Variants in SLC25A21 observed in about 807,000 individuals in gnomAD.
SLC25A21 encodes mitochondrial 2-oxodicarboxylate carrier.
A neutral mutation model predicts 43.8 loss-of-function variants in SLC25A21; 47 were observed. That is an observed-to-expected ratio of 1.07 (90% CI 0.85 to 1.37). The LOEUF (loss-of-function observed/expected upper bound fraction) is 1.37. Ranked by LOEUF, SLC25A21 falls within the 40% of genes most tolerant of loss-of-function variation. The pLI is 0.00. For synonymous variants in SLC25A21, 131 were observed against 121.3 expected, an observed-to-expected ratio of 1.08 and a Z score of -0.52; for missense variants, 352 against 350.2, an observed-to-expected ratio of 1.00 and a Z score of -0.04.
chr14:36,805,444 A>G (rs1888004136), intron 3 of SLC25A21, among the ~76,000 whole-genome samples: 1 of 152,152 alleles, frequency 6.6e-6, no homozygotes, highest in Non-Finnish European at 1.5e-5. Context: ...TGGGCCATTG[A>G]AGCCCTGGGA....
At chr14:36,698,430 T>C (rs898724703) in intron 7 of SLC25A21, among the ~76,000 whole-genome samples, 2 of 152,220 alleles carry the variant, frequency 1.3e-5, no homozygotes, top group African/African-American at 2.4e-5. Context: ...TGTGGTGTTC[T>C]CTGTATTTCC....
intron 3 of SLC25A21, among the ~76,000 whole-genome samples, chr14:36,773,388 A>G (rs757453382): frequency 1.3e-5 from 2 of 152,244 alleles, no homozygotes; most frequent in Non-Finnish European, 2.9e-5. Context: ...CTGATAAGCC[A>G]CAACTAGAAT....
At chr14:36,789,436 T>C (rs1887365344) in intron 3 of SLC25A21, among the ~76,000 whole-genome samples, 1 of 151,902 alleles carries the variant, frequency 6.6e-6, no homozygotes, top group Non-Finnish European at 1.5e-5. Context: ...TTGATAAACA[T>C]ATATATTTAA....
At chr14:37,109,421 C>T (rs1287332705) in intron 1 of SLC25A21, among the ~76,000 whole-genome samples, 1 of 151,816 alleles carries the variant, frequency 6.6e-6, no homozygotes, top group African/African-American at 2.4e-5. Flanking sequence ...GAAAGAAAAC[C>T]TTTTTGGTAT....
At chr14:36,766,881 C>A (rs547842426) in intron 3 of SLC25A21, among the ~76,000 whole-genome samples, 2 of 152,246 alleles carry the variant, frequency 1.3e-5, no homozygotes, top group Admixed American at 6.5e-5. Flanking sequence ...TGAGATAATG[C>A]GCATAATGCA....
intron 3 of SLC25A21, among the ~76,000 whole-genome samples, chr14:36,794,173 A>G (rs1887591135): frequency 6.6e-6 from 1 of 152,156 alleles, no homozygotes; most frequent in Admixed American, 6.5e-5. Flanking sequence ...CAATGAACAC[A>G]TATGATCAGA....
intron 1 of SLC25A21, among the ~76,000 whole-genome samples, chr14:36,881,657 G>A (rs142399186): frequency 7.2e-5 from 11 of 152,144 alleles, no homozygotes; most frequent in South Asian, 2.1e-4. Context: ...CTACATAGAC[G>A]GACTGATTGA....
At position 36,918,283 on chromosome 14, in the gene SLC25A21, G is replaced by A. The variant is rs111752188; in HGVS notation, c.71-43279C>T. 2.4e-3 allele frequency among the ~76,000 whole-genome samples: 373 copies of A among 152,250 alleles called. 5 individuals carry two copies. The highest frequency in any genetic ancestry group is 8.5e-3 in the African/African-American group (355 of 41,568). ...GATGTCCACAAACAGCCCTGCTATA[G>A]CATCAGACTCATGGGTCACCCATCC... is the stretch of plus-strand genomic sequence containing the variant. On this transcript the variant is annotated intron_variant, in intron 1 of 9. Coordinates refer to ENST00000331299, the MANE Select transcript of SLC25A21 (RefSeq NM_030631.4).
Position 36,945,259 on chromosome 14 carries a change from G to T in SLC25A21, c.71-70255C>A, listed in dbSNP as rs1485890033. Among the ~76,000 whole-genome samples, 5 of 152,106 alleles carry T rather than the reference G, an allele frequency of 3.3e-5. No homozygotes were observed. The South Asian group carries it at 1.0e-3, about 31-fold the overall frequency. ...AAAGTAAAGAATATTGCTACAAATG[G>T]AGGCAGAAATACAAGTTGATACCAT... On this transcript the variant is annotated intron_variant, in intron 1 of 9. Coordinates refer to ENST00000331299, the MANE Select transcript of SLC25A21 (RefSeq NM_030631.4).
chr14:36,680,711 C>T lies in SLC25A21; in HGVS notation c.847G>A (p.Val283Met). The T allele has an allele frequency of 6.2e-7, 1 of 1,612,754 alleles. No individual in the cohort carries two copies. The highest frequency in any genetic ancestry group is 8.5e-7 in the Non-Finnish European group (1 of 1,179,468). Residue 283 changes from valine to methionine, a missense_variant, in exon 10 of 10, where the codon GTG becomes ATG. Val to Met is a conservative substitution (Grantham distance 21). Transcript: ENST00000331299. Reference sequence around the variant, plus strand: ...GTGTATTCATAAACCAGCAGCATCACTGCACCACCTAGAAAAGAAAAGAGC... The same window carrying T: ...GTGTATTCATAAACCAGCAGCATCATTGCACCACCTAGAAAAGAAAAGAGC... ...KIMRLGPGGAVMLLVYEYTYS... is the reference protein window; with the variant it reads ...KIMRLGPGGAMMLLVYEYTYS...
At chr14:36,756,538 C>A (rs1885936295) in intron 3 of SLC25A21, among the ~76,000 whole-genome samples, 1 of 152,162 alleles carries the variant, frequency 6.6e-6, no homozygotes, top group African/African-American at 2.4e-5. Context: ...ATGCGGAAAA[C>A]ACTTTTTTGA....
intron 2 of SLC25A21, among the ~76,000 whole-genome samples, chr14:36,833,263 T>C (rs1889097871): frequency 6.6e-6 from 1 of 152,058 alleles, no homozygotes; most frequent in African/African-American, 2.4e-5. Flanking sequence ...ATAGAATAGA[T>C]GGGGTTAAAT....
At chr14:36,881,581 G>C (rs1374350859) in intron 1 of SLC25A21, among the ~76,000 whole-genome samples, 1 of 152,088 alleles carries the variant, frequency 6.6e-6, no homozygotes, top group Non-Finnish European at 1.5e-5. Context: ...CTCCACCCTT[G>C]CCCTTTTTTT....
chr14:37,084,061 G>C (rs1466514005), intron 1 of SLC25A21, among the ~76,000 whole-genome samples: 1 of 152,160 alleles, frequency 6.6e-6, no homozygotes, highest in South Asian at 2.1e-4. Context: ...CTGTCACGAT[G>C]TAATTATTAA....
At chr14:36,909,428 C>T (rs1310442311) in intron 1 of SLC25A21, among the ~76,000 whole-genome samples, 1 of 152,144 alleles carries the variant, frequency 6.6e-6, no homozygotes, top group Non-Finnish European at 1.5e-5. Context: ...CTGTTCAGGA[C>T]AAATAGTAAA....
intron 1 of SLC25A21, among the ~76,000 whole-genome samples, chr14:37,051,221 T>C (rs1437791457): frequency 6.6e-6 from 1 of 152,228 alleles, no homozygotes; most frequent in Non-Finnish European, 1.5e-5. Context: ...TGAAGAAGTA[T>C]TCCAGAATTC....
intron 2 of SLC25A21, among the ~76,000 whole-genome samples, chr14:36,869,576 G>A (rs1890309729): frequency 6.6e-6 from 1 of 152,138 alleles, no homozygotes; most frequent in Non-Finnish European, 1.5e-5. Flanking sequence ...CTAGAAGCAA[G>A]AGCACTGCTT....
At chr14:36,994,275 G>C (rs1594743025) in intron 1 of SLC25A21, among the ~76,000 whole-genome samples, 1 of 152,290 alleles carries the variant, frequency 6.6e-6, no homozygotes, top group African/African-American at 2.4e-5. Context: ...TAAGATTCAG[G>C]ATTCTCTTCT....
intron 1 of SLC25A21, among the ~76,000 whole-genome samples, chr14:36,945,557 T>C (rs760020023): frequency 2.6e-5 from 4 of 152,208 alleles, no homozygotes; most frequent in Non-Finnish European, 5.9e-5. Context: ...TTCTGACACA[T>C]GCTAACATGA....
Sources: allele counts gnomAD v4.1 joint callset (sites outside exome capture counted in the v4.1 genomes callset), GRCh38; gene constraint gnomAD v4.1.1; transcripts MANE v1.5; gene names NCBI Gene and HGNC (gene_info 2026-07-23, HGNC 2026-07-21).